PHF2: variants seen among roughly 807,000 people sequenced by gnomAD.
PHF2 encodes the protein lysine-specific demethylase PHF2.
In PHF2, 27 loss-of-function variants were observed where a neutral mutation model predicts 120.5. The ratio of observed to expected loss-of-function variants is 0.22; its 90% CI spans 0.17 to 0.31. The LOEUF (loss-of-function observed/expected upper bound fraction) is 0.31, where lower values mean the gene tolerates loss of function less well. PHF2 is among the 10% of genes least tolerant of loss of function. The pLI, the probability that PHF2 is intolerant of heterozygous loss-of-function variation, is 1.00. For synonymous variants in PHF2, 568 were observed against 592.5 expected (o/e 0.96, Z 0.60); for missense variants, 1,024 against 1,434.8 (o/e 0.71, Z 4.63).
intron 12 of PHF2, 31 bp downstream of exon 12, chr9:93,660,591 T>C: frequency 6.6e-7 from 1 of 1,514,252 alleles, no homozygotes; most frequent in Non-Finnish European, 8.8e-7. Flanking sequence ...CTCCCCACCT[T>C]ATCACCAGAG....
In PHF2 at chr9:93,595,851, A is replaced by G. The variant is rs573825640; in HGVS notation, c.98+18980A>G. ...ATCCTGATGTTAATCCATTTTCTCT[A>G]TAATCCCTGAGTGGGCAAATTTATA... On this transcript the variant is annotated intron_variant, in intron 1 of 21. Transcript: ENST00000359246. Among the ~76,000 whole-genome samples, 60 of 152,308 alleles carry G rather than the reference A, an allele frequency of 3.9e-4. 1 individual carries two copies. The highest frequency in any genetic ancestry group is 1.4e-3 in the African/African-American group (58 of 41,572).
intron 4 of PHF2, among the ~76,000 whole-genome samples, chr9:93,646,557 T>C (rs1349967534): frequency 1.3e-5 from 2 of 152,182 alleles, no homozygotes; most frequent in African/African-American, 4.8e-5. Flanking sequence ...CTCTCAGTGC[T>C]GGGGCTTCCG....
chr9:93,648,288 A>G (rs1375006456), intron 4 of PHF2, among the ~76,000 whole-genome samples: 1 of 152,130 alleles, frequency 6.6e-6, no homozygotes, highest in Non-Finnish European at 1.5e-5. Flanking sequence ...GGTGTTTCCT[A>G]TAAACTCGTG....
intron 1 of PHF2, among the ~76,000 whole-genome samples, chr9:93,580,380 A>G (rs542431010): frequency 2.0e-5 from 3 of 152,140 alleles, no homozygotes; most frequent in African/African-American, 4.8e-5. Context: ...ACTGAGGAGG[A>G]CCTGTCCTCT....
chr9:93,609,378 T>C (rs1233023294), intron 1 of PHF2, among the ~76,000 whole-genome samples: 1 of 152,188 alleles, frequency 6.6e-6, no homozygotes, highest in African/African-American at 2.4e-5. Context: ...TCCCTTTCTT[T>C]CTACAGATTC....
chr9:93,600,226 A>G (rs1825415175), intron 1 of PHF2, among the ~76,000 whole-genome samples: 1 of 150,202 alleles, frequency 6.7e-6, no homozygotes, highest in African/African-American at 2.4e-5. Context: ...GTGGTGGTGC[A>G]TGGGGGGTGT....
chr9:93,579,955 C>T (rs919720999), intron 1 of PHF2, among the ~76,000 whole-genome samples: 3 of 152,206 alleles, frequency 2.0e-5, no homozygotes, highest in Non-Finnish European at 4.4e-5. Flanking sequence ...GGGGCTGCCC[C>T]GCTGGCCTGG....
At chr9:93,638,420 T>A (rs1826125894) in intron 3 of PHF2, among the ~76,000 whole-genome samples, 2 of 152,262 alleles carry the variant, frequency 1.3e-5, no homozygotes, top group South Asian at 4.1e-4. Flanking sequence ...ACATACAGTT[T>A]GTTCTTTGAT....
chr9:93,640,680 C>T (rs549619437), intron 3 of PHF2, among the ~76,000 whole-genome samples: 86 of 152,184 alleles, frequency 5.7e-4, no homozygotes, highest in Non-Finnish European at 2.1e-4. Context: ...TCTGATAATT[C>T]GGAAATCTGT....
At position 93,656,625 on chromosome 9, in the gene PHF2, G is replaced by A; in HGVS notation, c.1147+30G>A. ...TGGTCACTCCGGGGTGGGCGTCCAA[G>A]CCTGGGGCTCTTGGCTGTGGGGGCA... On this transcript the variant is annotated intron_variant, in intron 9 of 21. Transcript: ENST00000359246. This position sits in a 1 kb window ranked among gnomAD's most constrained non-coding sequence, Gnocchi z 4.1. 2.0e-6 allele frequency: 3 copies of A among 1,506,630 alleles called. No individual in the cohort carries two copies. Among genetic ancestry groups the A allele is most frequent in the East Asian group, 2.3e-5 (1 of 44,266 alleles). The allele number at this position is 1,506,630 out of a possible 1,614,324, so 93.3% of individuals were successfully genotyped here.
At chr9:93,583,575 A>AT (rs34776405) in intron 1 of PHF2, among the ~76,000 whole-genome samples, 60,938 of 149,870 alleles carry the variant, frequency 0.41, 12,762 homozygotes, top group South Asian at 0.63. Flanking sequence ...TGTTTTCCTA[A>AT]TTTTTTTTTT....
rs55647503 is a variant in PHF2 at position 93,627,492 on chromosome 9, A to ATTTTTTTTTTTTTTTTTTTTTT, written c.99-2462_99-2461insTTTTTTTTTTTTTTTTTTTTTT. On this transcript the variant is annotated intron_variant, in intron 1 of 21. Coordinates refer to ENST00000359246, the MANE Select transcript of PHF2 (RefSeq NM_005392.4). ...CAATTCAGACTCCTTTTATTTCAGGATTTTTTTTTTTTTTTTGTCTAATTG... is the reference window on the plus strand; with the variant it reads ...CAATTCAGACTCCTTTTATTTCAGGATTTTTTTTTTTTTTTTTTTTTTTTTTTTTTTTTTTTTTGTCTAATTG... 1.2e-3 allele frequency among the ~76,000 whole-genome samples: 131 copies of ATTTTTTTTTTTTTTTTTTTTTT among 108,052 alleles called. 3 individuals carry two copies. Among genetic ancestry groups the ATTTTTTTTTTTTTTTTTTTTTT allele is most frequent in the African/African-American group, 1.2e-3 (33 of 26,542 alleles). The allele number at this position is 108,052 out of a possible 152,430, so 70.9% of individuals were successfully genotyped here.
chr9:93,609,525 A>T (rs1825599262), intron 1 of PHF2, among the ~76,000 whole-genome samples: 1 of 148,342 alleles, frequency 6.7e-6, no homozygotes, highest in Non-Finnish European at 1.5e-5. Context: ...TTGACGGATA[A>T]TTTTGCTGGA....
rs1587695240 is a variant in PHF2 at position 93,633,691 on chromosome 9, G to A, written c.185-2720G>A. Reference sequence around the variant, plus strand: ...TCAGTTGCTTCATCTGTGAAGTGAGGGCCCCGCCCCACGAGAGAGGAGGTA... The same window carrying A: ...TCAGTTGCTTCATCTGTGAAGTGAGAGCCCCGCCCCACGAGAGAGGAGGTA... On this transcript the variant is annotated intron_variant, in intron 2 of 21. Coordinates refer to ENST00000359246, the MANE Select transcript of PHF2 (RefSeq NM_005392.4). 2.0e-5 allele frequency among the ~76,000 whole-genome samples: 3 copies of A among 152,332 alleles called. No homozygotes were observed. The South Asian group carries it at 6.2e-4, about 32-fold the overall frequency.
Position 93,653,378 on chromosome 9 carries a change from C to T in PHF2, c.789+13C>T. 6.2e-7 allele frequency: 1 copy of T among 1,611,398 alleles called. No homozygotes were observed. The highest frequency in any genetic ancestry group is 8.5e-7 in the Non-Finnish European group (1 of 1,178,928). ...CCACGTGCTCAAGGTGAGCCACGCC[C>T]CTCGGGGCACCTCTGCCTTGCCATG... is the stretch of plus-strand genomic sequence containing the variant. On this transcript the variant is annotated intron_variant, in intron 6 of 21. Transcript: ENST00000359246.
Position 93,656,700 on chromosome 9 carries a change from T to A in PHF2, c.1147+105T>A, listed in dbSNP as rs1187624374. The A allele has an allele frequency of 2.7e-6, 2 of 754,188 alleles. No homozygotes were observed. Among genetic ancestry groups the A allele is most frequent in the East Asian group, 2.5e-5 (1 of 40,308 alleles). The allele number at this position is 754,188 out of a possible 1,614,324, so 46.7% of individuals were successfully genotyped here. ...TCTGGGTGTGAGTGCCGCCTTCCTG[T>A]GGCCTGAGCAAGTCCTCTTGGGACT... On this transcript the variant is annotated intron_variant, in intron 9 of 21. Coordinates refer to ENST00000359246, the MANE Select transcript of PHF2 (RefSeq NM_005392.4). This position sits in a 1 kb window ranked among gnomAD's most constrained non-coding sequence, Gnocchi z 4.1.
rs748762955 is a variant in PHF2, at chr9:93,673,565, C to T, written c.2349-20C>T. 44 of 1,539,380 alleles carry T rather than the reference C, an allele frequency of 2.9e-5. 2 individuals carry two copies. The South Asian group carries it at 5.1e-4, about 18-fold the overall frequency. On this transcript the variant is annotated intron_variant, in intron 17 of 21. Coordinates refer to ENST00000359246, the MANE Select transcript of PHF2 (RefSeq NM_005392.4). ...AGGCCAAGAGCACTGGGCTGAGTGC[C>T]TGTCTCTCTGTGCCCCTAGCCAGCC...
At chr9:93,618,358 TAGAC>T (rs750904889) in intron 1 of PHF2, among the ~76,000 whole-genome samples, 34 of 152,218 alleles carry the variant, frequency 2.2e-4, no homozygotes, top group Middle Eastern at 3.2e-3. Flanking sequence ...GGCAGACGCA[TAGAC>T]AGATGCACAC....
chr9:93,642,329 A>G (rs1826184165), intron 3 of PHF2, among the ~76,000 whole-genome samples: 1 of 152,254 alleles, frequency 6.6e-6, no homozygotes, highest in Non-Finnish European at 1.5e-5. Context: ...GGATTTTGAT[A>G]GGGATTATGT....
Sources: allele counts gnomAD v4.1 joint callset (sites outside exome capture counted in the v4.1 genomes callset), GRCh38; gene constraint gnomAD v4.1.1; non-coding constraint Gnocchi (gnomAD v3.1); transcripts MANE v1.5; gene names NCBI Gene and HGNC (gene_info 2026-07-23, HGNC 2026-07-21).